ADAP1: variants seen among roughly 807,000 people sequenced by gnomAD.
ADAP1 encodes the protein arf-GAP with dual PH domain-containing protein 1.
ADAP1 carries 31 observed loss-of-function variants against 54.9 expected under a neutral mutation model. The ratio of observed to expected loss-of-function variants is 0.56; its 90% CI spans 0.42 to 0.76. The LOEUF is 0.76. Ranked by LOEUF, ADAP1 falls within the 30% of genes least tolerant of loss-of-function variation. The pLI, the probability that ADAP1 is intolerant of heterozygous loss-of-function variation, is 0.00. For missense variants in ADAP1, 535 were observed against 512.4 expected (o/e 1.04, Z -0.42); for synonymous variants, 313 against 202.6 (o/e 1.55, Z -4.63).
At chr7:917,003 A>T (rs1845961719) in intron 4 of ADAP1, among the ~76,000 whole-genome samples, 1 of 41,796 alleles carries the variant, frequency 2.4e-5, no homozygotes, top group African/African-American at 1.1e-4. Flanking sequence ...TGCCAGCTCT[A>T]CCGGGGAGGT....
intron 6 of ADAP1, among the ~76,000 whole-genome samples, chr7:901,843 C>T (rs1247180648): frequency 1.3e-5 from 2 of 151,530 alleles, no homozygotes; most frequent in Non-Finnish European, 2.9e-5. Flanking sequence ...TGAACCCGTC[C>T]ACACCACACT....
intron 4 of ADAP1, among the ~76,000 whole-genome samples, chr7:916,798 G>C (rs1027252629): frequency 6.6e-6 from 1 of 152,136 alleles, no homozygotes; most frequent in Non-Finnish European, 1.5e-5. Context: ...GAGCCGACAG[G>C]ACCGCTGCAT....
At chr7:924,957 C>T (rs1583167963) in intron 3 of ADAP1, among the ~76,000 whole-genome samples, 2 of 151,946 alleles carry the variant, frequency 1.3e-5, no homozygotes, top group African/African-American at 4.8e-5. Context: ...GCAGCTGGCA[C>T]CTGGGGCCTC....
intron 2 of ADAP1, among the ~76,000 whole-genome samples, chr7:934,541 G>A (rs1206577651): frequency 2.0e-5 from 3 of 152,114 alleles, no homozygotes; most frequent in Non-Finnish European, 2.9e-5. Context: ...CAGTCAGGAA[G>A]ATCAATGGCT....
chr7:912,416 G>A (rs762929137), intron 4 of ADAP1, among the ~76,000 whole-genome samples: 1 of 152,174 alleles, frequency 6.6e-6, no homozygotes, highest in Non-Finnish European at 1.5e-5. Flanking sequence ...TCAGACACAA[G>A]GATAAACCCC....
intron 3 of ADAP1, among the ~76,000 whole-genome samples, chr7:921,694 G>A (rs565520487): frequency 6.0e-4 from 92 of 152,322 alleles, no homozygotes; most frequent in African/African-American, 1.9e-3. Context: ...CCGTGCAGCT[G>A]CCTGAGCCGC....
rs564842669 is a variant in ADAP1 at position 900,838 on chromosome 7, G to A, written c.649-222C>T. 14 of 647,402 alleles carry A rather than the reference G, an allele frequency of 2.2e-5. No homozygotes were observed. In the East Asian group the frequency reaches 3.6e-4, roughly 16 times the overall value. 40.1% of individuals were successfully genotyped at this position (647,402 alleles called of 1,614,324 possible). A position where few individuals can be genotyped will look rare whatever the true frequency, so the allele number is the denominator to read the frequency against. ...GGGCTGCCCCTCTGCGGGAGGGCAGGTGCAGCCTCCCCCGGCGAAGTCCTG... is the reference window on the plus strand; with the variant it reads ...GGGCTGCCCCTCTGCGGGAGGGCAGATGCAGCCTCCCCCGGCGAAGTCCTG... On this transcript the variant is annotated intron_variant, in intron 6 of 10. Transcript: ENST00000265846.
intron 4 of ADAP1, among the ~76,000 whole-genome samples, chr7:918,350 G>A (rs114846586): frequency 0.01 from 1,577 of 152,348 alleles, 30 homozygotes; most frequent in African/African-American, 0.036. Flanking sequence ...CCGAGCAGCT[G>A]GGACTACAGG....
intron 2 of ADAP1, among the ~76,000 whole-genome samples, chr7:931,490 C>T (rs1311502123): frequency 1.3e-5 from 2 of 151,988 alleles, no homozygotes; most frequent in African/African-American, 2.4e-5. Context: ...GCTCACACGC[C>T]GTGCGATCCC....
intron 4 of ADAP1, chr7:905,595 A>AGAAAGGAGAAAGGAGAAAGG (rs1845178735): frequency 3.6e-5 from 1 of 27,946 alleles, no homozygotes; most frequent in Non-Finnish European, 5.3e-5. Flanking sequence ...AGGAGAAAGG[A>AGAAAGGAGAAAGGAGAAAGG]GAAAGGAGAA....
At chr7:933,859 A>G (rs377323243) in intron 2 of ADAP1, among the ~76,000 whole-genome samples, 348 of 16,544 alleles carry the variant, frequency 0.021, 12 homozygotes, top group East Asian at 0.14. Context: ...AGAGCCGGGG[A>G]CCGGGGTCAG....
intron 1 of ADAP1, among the ~76,000 whole-genome samples, chr7:953,994 C>T (rs1174601411): frequency 6.6e-6 from 1 of 152,224 alleles, no homozygotes; most frequent in East Asian, 1.9e-4. Flanking sequence ...GCGGACCCCA[C>T]AGCCCAGCAG....
intron 2 of ADAP1, chr7:927,151 G>C: frequency 7.7e-7 from 1 of 1,303,590 alleles, no homozygotes; most frequent in Non-Finnish European, 1.0e-6. Context: ...TCTCTGAGGG[G>C]ACTCTGCAGG....
intron 4 of ADAP1, among the ~76,000 whole-genome samples, chr7:908,673 C>T (rs964050386): frequency 6.6e-6 from 1 of 152,252 alleles, no homozygotes; most frequent in African/African-American, 2.4e-5. Context: ...CTGCCTCCGA[C>T]ATCAGGACCT....
At chr7:899,687 C>T (rs3824080) in intron 8 of ADAP1, among the ~76,000 whole-genome samples, 197 bp from the exon 9 acceptor site, 34,976 of 152,060 alleles carry the variant, frequency 0.23, 4,439 homozygotes, top group African/African-American at 0.35. Flanking sequence ...CACCTCCCTC[C>T]TGCTCCTCCA....
intron 4 of ADAP1, among the ~76,000 whole-genome samples, chr7:911,013 C>T (rs1033770530): frequency 4.6e-5 from 7 of 152,192 alleles, no homozygotes; most frequent in African/African-American, 1.7e-4. Flanking sequence ...TCTCTCCCTG[C>T]CTGGCCCGTC....
At chr7:906,901 T>G (rs1845485778) in intron 4 of ADAP1, among the ~76,000 whole-genome samples, 1 of 143,284 alleles carries the variant, frequency 7.0e-6, no homozygotes, top group African/African-American at 2.6e-5. Flanking sequence ...CAAGCCAGCC[T>G]GAGGACGGCC....
rs1845375260 is a variant in ADAP1, at chr7:906,580, GA to G, written c.389-1409del. Reference sequence around the variant, plus strand: ...AGAAAGGGAAAGGAGAAAGGGAAAGGAGAAAGGAGAAAGGAGAAGGGAGAAA... The same window carrying G: ...AGAAAGGGAAAGGAGAAAGGGAAAGGGAAAGGAGAAAGGAGAAGGGAGAAA... On this transcript the variant is annotated intron_variant, in intron 4 of 10. Transcript: ENST00000265846. Among the ~76,000 whole-genome samples the G allele has an allele frequency of 5.7e-5, 2 of 34,994 alleles. 1 individual carries two copies. The highest frequency in any genetic ancestry group is 1.1e-4 in the Non-Finnish European group (2 of 18,232). The allele number at this position is 34,994 out of a possible 152,430, so 23.0% of individuals were successfully genotyped here. A position where few individuals can be genotyped will look rare whatever the true frequency, so the allele number is the denominator to read the frequency against.
intron 1 of ADAP1, among the ~76,000 whole-genome samples, chr7:950,504 A>ATGAAT (rs1385315124): frequency 6.6e-6 from 1 of 151,554 alleles, no homozygotes; most frequent in East Asian, 1.9e-4. Flanking sequence ...AAAAAAAAAA[A>ATGAAT]AATGAATACC....
Sources: gnomAD v4.1 joint callset for allele counts (sites outside exome capture counted in the v4.1 genomes callset) on GRCh38, gnomAD v4.1.1 for gene constraint, MANE v1.5 for transcripts, NCBI Gene and HGNC (gene_info 2026-07-23, HGNC 2026-07-21) for gene names.